The following TRAM1 variants were observed in gnomAD, a reference collection of about 807,000 sequenced individuals.
The protein encoded by TRAM1 is translocating chain-associated membrane protein 1.
In TRAM1, 17 loss-of-function variants were observed where a neutral mutation model predicts 48.7. The observed-to-expected ratio is 0.35, with a 90% CI of 0.24 to 0.52. TRAM1 has a LOEUF of 0.52. Ranked by LOEUF, TRAM1 falls within the 20% of genes least tolerant of loss-of-function variation. TRAM1 has a pLI of 0.94. For synonymous variants in TRAM1, 182 were observed against 154.0 expected (o/e 1.18, Z -1.34); for missense variants, 351 against 441.5 (o/e 0.79, Z 1.84).
rs73685680 is a variant in TRAM1, at chr8:70,604,621, A to G, written c.123+3456T>C. 5.3e-3 allele frequency among the ~76,000 whole-genome samples: 804 copies of G among 152,132 alleles called. 10 individuals are homozygous for G. The highest frequency in any genetic ancestry group is 0.019 in the African/African-American group (771 of 41,484). ...CCTCAAACTTTGTTCTGACCTGAGC[A>G]CCTTACCTGTCATAAAAAGAAAGAA... is the stretch of plus-strand genomic sequence containing the variant. On this transcript the variant is annotated intron_variant, in intron 1 of 10. Transcript: ENST00000262213.
In TRAM1 at chr8:70,577,745, G is replaced by A. The variant is rs186774449; in HGVS notation, c.1052-2740C>T. Reference sequence around the variant, plus strand: ...GAGAAGAGCTGTGCTCCTCTGGGAAGCCCAGATCTAGGGGCTCCCTGAGCC... The same window carrying A: ...GAGAAGAGCTGTGCTCCTCTGGGAAACCCAGATCTAGGGGCTCCCTGAGCC... On this transcript the variant is annotated intron_variant, in intron 10 of 10. Coordinates refer to ENST00000262213, the MANE Select transcript of TRAM1 (RefSeq NM_014294.6). 2.0e-3 allele frequency among the ~76,000 whole-genome samples: 310 copies of A among 152,364 alleles called. 2 individuals carry two copies. The highest frequency in any genetic ancestry group is 7.3e-3 in the African/African-American group (302 of 41,580).
At chr8:70,595,865 A>G (rs776888484) in intron 5 of TRAM1, among the ~76,000 whole-genome samples, 3 of 152,140 alleles carry the variant, frequency 2.0e-5, no homozygotes, top group African/African-American at 4.8e-5. Context: ...AAAAGAAACA[A>G]TTCCTAACCT....
chr8:70,606,506 G>T (rs1472792320), intron 1 of TRAM1, among the ~76,000 whole-genome samples: 1 of 152,214 alleles, frequency 6.6e-6, no homozygotes, highest in Non-Finnish European at 1.5e-5. Context: ...GCCTAGCACT[G>T]TATTTACCTT....
Position 70,587,149 on chromosome 8 carries a change from T to A in TRAM1, c.598A>T (p.Ile200Phe). Reference sequence around the variant, plus strand: ...GCAATGTGGAAGAGGTAAAGACCAATGTAGACAAGCTGACGAGGAATATCT... The same window carrying A: ...GCAATGTGGAAGAGGTAAAGACCAAAGTAGACAAGCTGACGAGGAATATCT... ...KEDIPRQLVYIGLYLFHIAGA... is the reference protein window; with the variant it reads ...KEDIPRQLVYFGLYLFHIAGA... The change falls in exon 7 of 11, where the codon ATT becomes TTT. Residue 200 changes from isoleucine to phenylalanine, a missense_variant. Coordinates refer to ENST00000262213, the MANE Select transcript of TRAM1 (RefSeq NM_014294.6). 1.2e-6 allele frequency: 2 copies of A among 1,613,944 alleles called. No individual in the cohort carries two copies. The highest frequency in any genetic ancestry group is 2.2e-5 in the South Asian group (2 of 91,070).
chr8:70,586,968 G>C lies in TRAM1; in HGVS notation c.673C>G (p.Leu225Val), dbSNP rs1817236157. The C allele has an allele frequency of 1.2e-6, 2 of 1,613,650 alleles. No individual in the cohort carries two copies. Among genetic ancestry groups the C allele is most frequent in the Non-Finnish European group, 1.7e-6 (2 of 1,179,892 alleles). ...AAAAGAAATTCAACAAAATAATGTA[G>C]CACCAGAAGAACAAGTCCTAGATGA... ...LNHLGLVLLVLHYFVEFLFHI... is the reference protein window; with the variant it reads ...LNHLGLVLLVVHYFVEFLFHI... The change falls in exon 8 of 11, where the codon CTA (leucine) becomes GTA (valine). Residue 225 changes from leucine to valine, a missense_variant. By Grantham distance (32) the Leu-to-Val change is conservative. Transcript: ENST00000262213.
intron 8 of TRAM1, among the ~76,000 whole-genome samples, chr8:70,584,342 A>G (rs945650638): frequency 2.0e-5 from 3 of 152,242 alleles, no homozygotes; most frequent in Admixed American, 6.5e-5. Context: ...AGGATGCCCA[A>G]TTCTCATTTA....
intron 10 of TRAM1, among the ~76,000 whole-genome samples, chr8:70,576,025 C>T (rs138774226): frequency 1.0e-4 from 15 of 145,444 alleles, no homozygotes; most frequent in Non-Finnish European, 1.8e-4. Context: ...GAGCTGAGAT[C>T]GCGCCACTGC....
At chr8:70,596,231 TAAC>T in intron 5 of TRAM1, 29 bp downstream of exon 5, 1 of 1,539,952 alleles carries the variant, frequency 6.5e-7, no homozygotes, top group Non-Finnish European at 8.7e-7. Context: ...CCATGGTCCT[TAAC>T]AAAGAAAGGG....
intron 1 of TRAM1, among the ~76,000 whole-genome samples, chr8:70,603,303 T>TATACACACACAC (rs1041808375): frequency 0.023 from 3,465 of 150,040 alleles, 65 homozygotes; most frequent in Middle Eastern, 0.035. Context: ...ATATGTTTTA[T>TATACACACACAC]ACACACACAC....
intron 10 of TRAM1, among the ~76,000 whole-genome samples, chr8:70,578,792 G>A (rs745478547): frequency 1.3e-5 from 2 of 152,186 alleles, no homozygotes; most frequent in Non-Finnish European, 2.9e-5. Context: ...TTACAAAAAA[G>A]GGCTAATACA....
chr8:70,578,993 C>T (rs1477136322), intron 10 of TRAM1, among the ~76,000 whole-genome samples: 1 of 152,134 alleles, frequency 6.6e-6, no homozygotes, highest in Non-Finnish European at 1.5e-5. Context: ...GAGAAAAATA[C>T]CACATTCAAT....
At chr8:70,577,870 G>T (rs925248509) in intron 10 of TRAM1, among the ~76,000 whole-genome samples, 1 of 152,206 alleles carries the variant, frequency 6.6e-6, no homozygotes, top group African/African-American at 2.4e-5. Context: ...TCCCTGCAGC[G>T]GAAGCCGCAT....
chr8:70,591,432 G>A (rs1423118755), intron 6 of TRAM1, among the ~76,000 whole-genome samples: 1 of 152,170 alleles, frequency 6.6e-6, no homozygotes, highest in Non-Finnish European at 1.5e-5. Flanking sequence ...GCCTTGCCTA[G>A]CACCAGCACA....
Position 70,608,266 on chromosome 8 carries a change from C to A in TRAM1, c.-67G>T. On this transcript the variant is annotated 5_prime_UTR_variant, in exon 1 of 11. Coordinates refer to ENST00000262213, the MANE Select transcript of TRAM1 (RefSeq NM_014294.6). ...TCTGCTCTTCCCAGCTGCTCACCGA[C>A]TCGCCGCCGCCTCCCGCTGGCTGCT... is the stretch of plus-strand genomic sequence containing the variant. 6.7e-7 allele frequency: 1 copy of A among 1,482,390 alleles called. No individual in the cohort carries two copies. 91.8% of individuals were successfully genotyped at this position (1,482,390 alleles called of 1,614,324 possible).
chr8:70,593,254 A>G (rs1490561062), intron 6 of TRAM1, among the ~76,000 whole-genome samples: 7 of 152,176 alleles, frequency 4.6e-5, no homozygotes, highest in African/African-American at 1.7e-4. Flanking sequence ...CACAGACACG[A>G]AACAGTAGGA....
rs1346698372 is a variant in TRAM1, at chr8:70,608,385, C to A, written c.-186G>T. The A allele has an allele frequency of 3.1e-5, 13 of 423,836 alleles. No individual in the cohort carries two copies. The highest frequency in any genetic ancestry group is 4.7e-5 in the Non-Finnish European group (12 of 253,664). The allele number at this position is 423,836 out of a possible 1,614,324, so 26.3% of individuals were successfully genotyped here. ...GGGCCGCCCGGGGGAAAAAAAAAAA[C>A]ACAACAGCTAGCCCGCAGCGGGGGC... On this transcript the variant is annotated 5_prime_UTR_variant, in exon 1 of 11. Coordinates refer to ENST00000262213, the MANE Select transcript of TRAM1 (RefSeq NM_014294.6).
At chr8:70,584,723 G>A (rs1156313896) in intron 8 of TRAM1, among the ~76,000 whole-genome samples, 9 of 152,044 alleles carry the variant, frequency 5.9e-5, no homozygotes, top group African/African-American at 2.2e-4. Flanking sequence ...AACTTACAAG[G>A]GATGTGAAGG....
At chr8:70,585,592 C>G (rs1397759547) in intron 8 of TRAM1, among the ~76,000 whole-genome samples, 2 of 80,758 alleles carry the variant, frequency 2.5e-5, no homozygotes, top group African/African-American at 6.9e-5. Context: ...AAAAACAACC[C>G]CATCAACAAG....
intron 1 of TRAM1, chr8:70,606,842 A>C (rs1423769018): frequency 4.2e-6 from 4 of 956,030 alleles, no homozygotes; most frequent in Admixed American, 6.2e-5. Context: ...AAAAAAAAAA[A>C]CAAATATGCT....
Sources: allele counts gnomAD v4.1 joint callset (sites outside exome capture counted in the v4.1 genomes callset), GRCh38; gene constraint gnomAD v4.1.1; transcripts MANE v1.5; gene names NCBI Gene and HGNC (gene_info 2026-07-23, HGNC 2026-07-21).